Variants in PCDHGB7 observed in about 807,000 individuals in gnomAD.
PCDHGB7 encodes the protein protocadherin gamma-B7.
Under a neutral mutation model 61.4 loss-of-function variants are expected in PCDHGB7, and 37 were observed. The ratio of observed to expected loss-of-function variants is 0.60; its 90% CI spans 0.46 to 0.79. The LOEUF is 0.79. Ranked by LOEUF, PCDHGB7 falls within the 30% of genes least tolerant of loss-of-function variation. The pLI is 0.00. For missense variants in PCDHGB7, 1,166 were observed against 1,202.5 expected (o/e 0.97, Z 0.45); for synonymous variants, 464 against 503.5 (o/e 0.92, Z 1.05).
At chr5:141,448,215 C>T (rs927573458) in intron 1 of PCDHGB7, among the ~76,000 whole-genome samples, 5 of 152,046 alleles carry the variant, frequency 3.3e-5, no homozygotes, top group African/African-American at 9.7e-5. Flanking sequence ...TGTGTGTATG[C>T]GAATGTATGT....
At chr5:141,481,035 G>C (rs1342607604) in intron 1 of PCDHGB7, among the ~76,000 whole-genome samples, 1 of 152,094 alleles carries the variant, frequency 6.6e-6, no homozygotes, top group Non-Finnish European at 1.5e-5. Flanking sequence ...TCCAGCCTGG[G>C]CGACAGAGCG....
Position 141,476,610 on chromosome 5 carries a change from G to A in PCDHGB7, c.2416-18197G>A, listed in dbSNP as rs769858609. ...GAGAGCGCGCACGATCCCGATGTGGGAAGCAACTCTTTACAAACCTATGAG... is the reference window on the plus strand; with the variant it reads ...GAGAGCGCGCACGATCCCGATGTGGAAAGCAACTCTTTACAAACCTATGAG... On this transcript the variant is annotated intron_variant, in intron 1 of 3. Coordinates refer to ENST00000398594, the MANE Select transcript of PCDHGB7 (RefSeq NM_018927.4). The surrounding 1 kb of genome is among the most constrained non-coding windows in gnomAD (Gnocchi z 7.6). The A allele has an allele frequency of 1.2e-6, 2 of 1,614,262 alleles. No homozygotes were observed. The highest frequency in any genetic ancestry group is 3.3e-5 in the Admixed American group (2 of 60,036).
chr5:141,500,084 C>T (rs1354544132), intron 2 of PCDHGB7, among the ~76,000 whole-genome samples: 1 of 152,030 alleles, frequency 6.6e-6, no homozygotes, highest in Non-Finnish European at 1.5e-5. Flanking sequence ...CCTCCATCTT[C>T]CATTTTTGCA....
Position 141,486,369 on chromosome 5 carries a change from C to A in PCDHGB7, c.2416-8438C>A. On this transcript the variant is annotated intron_variant, in intron 1 of 3. Coordinates refer to ENST00000398594, the MANE Select transcript of PCDHGB7 (RefSeq NM_018927.4). This position sits in a 1 kb window ranked among gnomAD's most constrained non-coding sequence, Gnocchi z 5.0. ...GACCACTTGCCATTTGCCCTCAAGT[C>A]TGCCTTCAGGAACCAGTTCTCCCTG... 6.2e-7 allele frequency: 1 copy of A among 1,614,128 alleles called. No individual in the cohort carries two copies. Among genetic ancestry groups the A allele is most frequent in the African/African-American group, 1.3e-5 (1 of 75,048 alleles).
At chr5:141,492,587 C>G (rs2154587748) in intron 1 of PCDHGB7, among the ~76,000 whole-genome samples, 1 of 152,314 alleles carries the variant, frequency 6.6e-6, no homozygotes, top group African/African-American at 2.4e-5. Flanking sequence ...GGGCCAGGAG[C>G]GCTGGAGCGA....
chr5:141,492,833 C>T (rs951935267), intron 1 of PCDHGB7, among the ~76,000 whole-genome samples: 2 of 152,222 alleles, frequency 1.3e-5, no homozygotes, highest in African/African-American at 4.8e-5. Flanking sequence ...CCCTTCCTCC[C>T]GCAGGAAGTG....
At chr5:141,510,828 C>T in intron 3 of PCDHGB7, 119 bp from the exon 4 acceptor site, 18 of 1,572,154 alleles carry the variant, frequency 1.1e-5, no homozygotes, top group Non-Finnish European at 1.6e-5. Context: ...ATTCCCAGTG[C>T]TCAGCGTGGT....
chr5:141,476,142 G>T lies in PCDHGB7; in HGVS notation c.2416-18665G>T. 6.2e-7 allele frequency: 1 copy of T among 1,610,446 alleles called. No individual in the cohort carries two copies. Among genetic ancestry groups the T allele is most frequent in the South Asian group, 1.1e-5 (1 of 90,868 alleles). On this transcript the variant is annotated intron_variant, in intron 1 of 3. Coordinates refer to ENST00000398594, the MANE Select transcript of PCDHGB7 (RefSeq NM_018927.4). The surrounding 1 kb of genome is among the most constrained non-coding windows in gnomAD (Gnocchi z 7.6). Reference sequence around the variant, plus strand: ...ATGGTCCCAGAGGCCTGGAGGAGCGGACTGGTAAGCACCGGGAGGGTAGTG... The same window carrying T: ...ATGGTCCCAGAGGCCTGGAGGAGCGTACTGGTAAGCACCGGGAGGGTAGTG...
At position 141,491,546 on chromosome 5, in the gene PCDHGB7, C is replaced by T; in HGVS notation, c.2416-3261C>T. ...GAGGTGACGCTGCGGCCCACAGACT[C>T]GCAGAGCCACTGCTACAGGACGTGC... On this transcript the variant is annotated intron_variant, in intron 1 of 3. Transcript: ENST00000398594. This position sits in a 1 kb window ranked among gnomAD's most constrained non-coding sequence, Gnocchi z 6.9. 1.9e-6 allele frequency: 3 copies of T among 1,614,038 alleles called. No homozygotes were observed. Among genetic ancestry groups the T allele is most frequent in the Non-Finnish European group, 2.5e-6 (3 of 1,180,024 alleles).
In PCDHGB7 at chr5:141,489,372, G is replaced by A. The variant is rs1335356378; in HGVS notation, c.2416-5435G>A. 2 of 1,613,814 alleles carry A rather than the reference G, an allele frequency of 1.2e-6. No individual in the cohort carries two copies. Among genetic ancestry groups the A allele is most frequent in the Non-Finnish European group, 1.7e-6 (2 of 1,179,700 alleles). On this transcript the variant is annotated intron_variant, in intron 1 of 3. Transcript: ENST00000398594. The surrounding 1 kb of genome is among the most constrained non-coding windows in gnomAD (Gnocchi z 4.5). ...TGGAGGAGTCTGAGCCGGGGACGCT[G>A]GTGGGGAATGTTGCTCAGGATCTGG...
At position 141,491,093 on chromosome 5, in the gene PCDHGB7, T is replaced by G; in HGVS notation, c.2416-3714T>G. The G allele has an allele frequency of 6.2e-7, 1 of 1,614,160 alleles. No individual in the cohort carries two copies. The highest frequency in any genetic ancestry group is 8.5e-7 in the Non-Finnish European group (1 of 1,180,008). On this transcript the variant is annotated intron_variant, in intron 1 of 3. Transcript: ENST00000398594. This position sits in a 1 kb window ranked among gnomAD's most constrained non-coding sequence, Gnocchi z 6.9. ...TTGCCACAGTCCACAGCCCCAGGAC[T>G]GTTCCTCGTGTCTACACACACTGGT... is the stretch of plus-strand genomic sequence containing the variant.
At position 141,419,517 on chromosome 5, in the gene PCDHGB7, G is replaced by A; in HGVS notation, c.1658G>A (p.Gly553Asp). 6.2e-7 allele frequency: 1 copy of A among 1,612,224 alleles called. No homozygotes were observed. Among genetic ancestry groups the A allele is most frequent in the South Asian group, 1.1e-5 (1 of 90,990 alleles). The change falls in exon 1 of 4, where the codon GGC becomes GAC. Residue 553 changes from glycine to aspartate, a missense_variant. By Grantham distance (94) the Gly-to-Asp change is moderately conservative. Transcript: ENST00000398594. ...AATGTGAGCCTGCGCGTGTTGGTGG[G>A]CGACCGTAACGACAACGCACCGCGG... ...SANVSLRVLV[G>D]DRNDNAPRVL...
chr5:141,462,512 A>C (rs1169461013), intron 1 of PCDHGB7, among the ~76,000 whole-genome samples: 1 of 152,106 alleles, frequency 6.6e-6, no homozygotes, highest in Non-Finnish European at 1.5e-5. Flanking sequence ...AACTAGATCA[A>C]GTTAGTAAGA....
chr5:141,488,565 C>A (rs1308485284), intron 1 of PCDHGB7, among the ~76,000 whole-genome samples: 1 of 152,174 alleles, frequency 6.6e-6, no homozygotes, highest in Non-Finnish European at 1.5e-5. Flanking sequence ...GAGATTTCCG[C>A]AAAGCATTGC....
chr5:141,456,389 TTTGA>T (rs1181323617), intron 1 of PCDHGB7, among the ~76,000 whole-genome samples: 2 of 152,074 alleles, frequency 1.3e-5, no homozygotes, highest in Non-Finnish European at 2.9e-5. Flanking sequence ...CCGTTTGGAG[TTTGA>T]TTGCTTCTAG....
In PCDHGB7 at chr5:141,487,605, A is replaced by G. The variant is rs202066746; in HGVS notation, c.2416-7202A>G. Reference sequence around the variant, plus strand: ...AGCTGCCCACCCTCTGATCTTCTCTATGGGCTAGAGGTGAGACCTTTGCAG... The same window carrying G: ...AGCTGCCCACCCTCTGATCTTCTCTGTGGGCTAGAGGTGAGACCTTTGCAG... On this transcript the variant is annotated intron_variant, in intron 1 of 3. Transcript: ENST00000398594. The surrounding 1 kb of genome is among the most constrained non-coding windows in gnomAD (Gnocchi z 5.0). 8.7e-6 allele frequency: 14 copies of G among 1,614,008 alleles called. No individual in the cohort carries two copies. In the South Asian group the frequency reaches 8.8e-5, roughly 10 times the overall value.
chr5:141,433,208 C>CA, intron 1 of PCDHGB7: 1 of 1,293,080 alleles, frequency 7.7e-7, no homozygotes, highest in Non-Finnish European at 1.1e-6. Context: ...AATCTTCTTT[C>CA]TTTTTTTTTT....
At chr5:141,421,224 T>G (rs1401875673) in intron 1 of PCDHGB7, 2 of 1,582,072 alleles carry the variant, frequency 1.3e-6, no homozygotes, top group Admixed American at 3.6e-5. Flanking sequence ...GCTTAGAGCC[T>G]GCCATGGCGA....
At position 141,494,852 on chromosome 5, in the gene PCDHGB7, C is replaced by T. The variant is rs755464933; in HGVS notation, c.2461C>T (p.Pro821Ser). ...TDWRFSQAQR[P>S]GTSGSQNGDD... is the part of the protein sequence containing the mutation. Reference sequence around the variant, plus strand: ...CTGGCGTTTCTCTCAGGCCCAGAGACCCGGCACCAGCGGGTAGGTGACTGA... The same window carrying T: ...CTGGCGTTTCTCTCAGGCCCAGAGATCCGGCACCAGCGGGTAGGTGACTGA... The change falls in exon 2 of 4, where the codon CCC (proline) becomes TCC (serine). Residue 821 changes from proline (P) to serine (S), a missense_variant. Coordinates refer to ENST00000398594, the MANE Select transcript of PCDHGB7 (RefSeq NM_018927.4). 6 of 1,614,042 alleles carry T rather than the reference C, an allele frequency of 3.7e-6. No homozygotes were observed. Among genetic ancestry groups the T allele is most frequent in the Admixed American group, 1.7e-5 (1 of 60,000 alleles).
Sources: gnomAD v4.1 joint callset for allele counts (sites outside exome capture counted in the v4.1 genomes callset) on GRCh38, gnomAD v4.1.1 for gene constraint, Gnocchi (gnomAD v3.1) non-coding constraint, MANE v1.5 for transcripts, NCBI Gene and HGNC (gene_info 2026-07-23, HGNC 2026-07-21) for gene names.